FGF12: variants seen among roughly 807,000 people sequenced by gnomAD.
FGF12 encodes fibroblast growth factor 12B.
In FGF12, 14 loss-of-function variants were observed where a neutral mutation model predicts 23.6. That is an observed-to-expected ratio of 0.59 (90% confidence interval 0.39 to 0.93). The LOEUF (loss-of-function observed/expected upper bound fraction) is 0.93, where lower values mean the gene tolerates loss of function less well. FGF12 is among the 40% of genes least tolerant of loss of function. The pLI, the probability that FGF12 is intolerant of heterozygous loss-of-function variation, is 0.00. For synonymous variants in FGF12, 62 were observed against 77.3 expected, an observed-to-expected ratio of 0.80 and a Z score of 1.04; for missense variants, 175 against 217.8, an observed-to-expected ratio of 0.80 and a Z score of 1.24.
intron 3 of FGF12, among the ~76,000 whole-genome samples, chr3:192,348,887 A>G (rs1718081816): frequency 1.3e-5 from 2 of 152,176 alleles, no homozygotes; most frequent in South Asian, 4.1e-4. Flanking sequence ...AACTGAGTAC[A>G]ATTTTGAAAA....
chr3:192,224,244 G>A (rs904815554), intron 4 of FGF12, among the ~76,000 whole-genome samples: 1 of 152,082 alleles, frequency 6.6e-6, no homozygotes, highest in African/African-American at 2.4e-5. Context: ...TATGATGATA[G>A]TGGTGATGAT....
intron 2 of FGF12, among the ~76,000 whole-genome samples, chr3:192,725,359 C>G (rs79850748): frequency 2.6e-5 from 4 of 151,184 alleles, no homozygotes; most frequent in African/African-American, 9.8e-5. Context: ...CAAAAGTCTT[C>G]GTTGCCTTTG....
Position 192,366,467 on chromosome 3 carries a change from T to C in FGF12, c.14-5929A>G, listed in dbSNP as rs558534606. ...TACTTTTGATAACAATGGCTGTATA[T>C]TGAACCCATCTCCTTCGTGGCAGGC... On this transcript the variant is annotated intron_variant, in intron 2 of 5. Transcript: ENST00000445105. 2.0e-5 allele frequency among the ~76,000 whole-genome samples: 3 copies of C among 152,328 alleles called. 1 individual carries two copies. Among genetic ancestry groups the C allele is most frequent in the African/African-American group, 7.2e-5 (3 of 41,578 alleles).
chr3:192,605,640 T>C (rs961091384), intron 2 of FGF12, among the ~76,000 whole-genome samples: 8 of 151,930 alleles, frequency 5.3e-5, no homozygotes, highest in Admixed American at 1.3e-4. Context: ...AGCTAAACAA[T>C]TGAACAAGCC....
intron 2 of FGF12, among the ~76,000 whole-genome samples, chr3:192,524,732 TCTC>T (rs768620417): frequency 2.6e-5 from 4 of 152,212 alleles, no homozygotes; most frequent in Non-Finnish European, 5.9e-5. Context: ...AATTTTGAAA[TCTC>T]CTTTGTGCAT....
At chr3:192,644,138 A>G (rs1376775986) in intron 2 of FGF12, among the ~76,000 whole-genome samples, 2 of 152,022 alleles carry the variant, frequency 1.3e-5, no homozygotes, top group Non-Finnish European at 2.9e-5. Context: ...TTCCCTAACA[A>G]TTTTTTTTAG....
At chr3:192,402,512 C>G (rs1322072456) in intron 2 of FGF12, among the ~76,000 whole-genome samples, 1 of 152,192 alleles carries the variant, frequency 6.6e-6, no homozygotes, top group Non-Finnish European at 1.5e-5. Context: ...CAGATTCCCT[C>G]CAACAATAGT....
chr3:192,514,981 C>T lies in FGF12; in HGVS notation c.14-154443G>A, dbSNP rs921421442. ...GGCAGCCCTCCGAGAGCCCGAGGCG[C>T]TGCCACCCCTCGGTGGGCTCGAGCA... is the stretch of plus-strand genomic sequence containing the variant. On this transcript the variant is annotated intron_variant, in intron 2 of 5. Coordinates refer to ENST00000445105, the MANE Select transcript of FGF12 (RefSeq NM_004113.6). The surrounding 1 kb of genome is among the most constrained non-coding windows in gnomAD (Gnocchi z 4.9). 2.0e-6 allele frequency: 1 copy of T among 511,284 alleles called. No homozygotes were observed. The highest frequency in any genetic ancestry group is 2.5e-6 in the Non-Finnish European group (1 of 397,104). The allele number at this position is 511,284 out of a possible 1,614,324, so 31.7% of individuals were successfully genotyped here. A position where few individuals can be genotyped will look rare whatever the true frequency, so the allele number is the denominator to read the frequency against.
rs559218341 is a variant in FGF12 at position 192,526,194 on chromosome 3, T to C, written c.14-165656A>G. Among the ~76,000 whole-genome samples, 7 of 152,308 alleles carry C rather than the reference T, an allele frequency of 4.6e-5. No homozygotes were observed. In the South Asian group the frequency reaches 1.0e-3, roughly 23 times the overall value. On this transcript the variant is annotated intron_variant, in intron 2 of 5. Coordinates refer to ENST00000445105, the MANE Select transcript of FGF12 (RefSeq NM_004113.6). ...CCAACCCTTCAAAAATTGGATTCAT[T>C]ATCACCTCTGTCAATAAACCTTCCC...
chr3:192,275,575 G>T (rs1403020432), intron 4 of FGF12, among the ~76,000 whole-genome samples: 1 of 152,098 alleles, frequency 6.6e-6, no homozygotes, highest in Non-Finnish European at 1.5e-5. Flanking sequence ...GACTAGAAAA[G>T]GTTTTGTGAA....
At chr3:192,638,498 G>A (rs1464118079) in intron 2 of FGF12, among the ~76,000 whole-genome samples, 1 of 152,154 alleles carries the variant, frequency 6.6e-6, no homozygotes, top group Non-Finnish European at 1.5e-5. Context: ...GTTACCTGTA[G>A]CTTCATGCAC....
intron 2 of FGF12, among the ~76,000 whole-genome samples, chr3:192,370,113 A>G (rs918838834): frequency 2.0e-5 from 3 of 152,164 alleles, no homozygotes; most frequent in Non-Finnish European, 2.9e-5. Flanking sequence ...GGGTGCATGC[A>G]GGGGCTGGAG....
At chr3:192,226,833 T>C (rs1718760587) in intron 4 of FGF12, among the ~76,000 whole-genome samples, 1 of 152,108 alleles carries the variant, frequency 6.6e-6, no homozygotes, top group South Asian at 2.1e-4. Flanking sequence ...TATATGTCAC[T>C]TAGCTAGATT....
intron 4 of FGF12, among the ~76,000 whole-genome samples, chr3:192,252,993 A>T (rs2108608921): frequency 6.6e-6 from 1 of 152,286 alleles, no homozygotes; most frequent in South Asian, 2.1e-4. Flanking sequence ...AACTGTTGAA[A>T]TGCATATCCT....
At chr3:192,369,556 C>T (rs890034872) in intron 2 of FGF12, among the ~76,000 whole-genome samples, 3 of 152,150 alleles carry the variant, frequency 2.0e-5, no homozygotes, top group African/African-American at 7.2e-5. Flanking sequence ...AGACATGAGA[C>T]GGAGGGCAGG....
chr3:192,615,432 T>C (rs1714721062), intron 2 of FGF12, among the ~76,000 whole-genome samples: 1 of 151,964 alleles, frequency 6.6e-6, no homozygotes. Flanking sequence ...ATTTTCCTTT[T>C]CTTTCCTTGA....
At chr3:192,675,522 C>T (rs906607096) in intron 2 of FGF12, among the ~76,000 whole-genome samples, 2 of 152,118 alleles carry the variant, frequency 1.3e-5, no homozygotes, top group Admixed American at 1.3e-4. Flanking sequence ...AGACATATGG[C>T]TCTCATCCTT....
intron 4 of FGF12, among the ~76,000 whole-genome samples, chr3:192,204,986 A>G (rs1158388944): frequency 6.6e-6 from 1 of 152,104 alleles, no homozygotes; most frequent in Non-Finnish European, 1.5e-5. Flanking sequence ...TTATCTCTGC[A>G]TTTCTCTTCC....
At chr3:192,415,393 G>A (rs1349875230) in intron 2 of FGF12, among the ~76,000 whole-genome samples, 4 of 151,934 alleles carry the variant, frequency 2.6e-5, no homozygotes, top group African/African-American at 9.7e-5. Flanking sequence ...AATAATCTTT[G>A]CACATAGCCA....
Sources: allele counts gnomAD v4.1 joint callset (sites outside exome capture counted in the v4.1 genomes callset), GRCh38; gene constraint gnomAD v4.1.1; non-coding constraint Gnocchi (gnomAD v3.1); transcripts MANE v1.5; gene names NCBI Gene and HGNC (gene_info 2026-07-23, HGNC 2026-07-21).